The following DISC1 variants were observed in gnomAD, a reference collection of about 807,000 sequenced individuals.
The protein encoded by DISC1 is disrupted in schizophrenia 1 protein.
In DISC1, 57 loss-of-function variants were observed where a neutral mutation model predicts 84.5. The ratio of observed to expected loss-of-function variants is 0.67; its 90% confidence interval spans 0.55 to 0.84. The LOEUF (loss-of-function observed/expected upper bound fraction) is 0.84, where lower values mean the gene tolerates loss of function less well. DISC1 is among the 40% of genes least tolerant of loss of function. The probability of loss-of-function intolerance (pLI) is 0.00; values close to 1 mark genes in which losing one functional copy is unlikely to be tolerated. For missense variants in DISC1, 1,000 were observed against 1,057.8 expected (o/e 0.95, Z 0.76); for synonymous variants, 411 against 415.2 (o/e 0.99, Z 0.12).
At chr1:232,027,200 T>C (rs1669560151) in intron 12 of DISC1, among the ~76,000 whole-genome samples, 1 of 152,246 alleles carries the variant, frequency 6.6e-6, no homozygotes, top group South Asian at 2.1e-4. Context: ...TGGCTCGTTT[T>C]CCTACGAGCT....
At chr1:231,769,514 G>A (rs1051135948) in intron 5 of DISC1, among the ~76,000 whole-genome samples, 5 of 152,188 alleles carry the variant, frequency 3.3e-5, no homozygotes, top group Admixed American at 3.3e-4. Flanking sequence ...GGTTGCAAAA[G>A]GATAAATGCT....
chr1:231,899,269 A>G (rs1162234488), intron 9 of DISC1, among the ~76,000 whole-genome samples: 2 of 152,176 alleles, frequency 1.3e-5, no homozygotes, highest in East Asian at 1.9e-4. Flanking sequence ...TTGGAAACAC[A>G]GGCTGCTGGG....
In DISC1 at chr1:231,695,625, G is replaced by T. The variant is rs571042662; in HGVS notation, c.1047+820G>T. Among the ~76,000 whole-genome samples, 35 of 136,000 alleles carry T rather than the reference G, an allele frequency of 2.6e-4. No individual in the cohort carries two copies. The East Asian group carries it at 2.9e-3, about 11-fold the overall frequency. 89.2% of individuals were successfully genotyped at this position (136,000 alleles called of 152,430 possible). Reference sequence around the variant, plus strand: ...TGTGCATGTAGGTGTGCCTGTGTGTGCGTGTGTGTGTGTGCATGTTTGTGC... The same window carrying T: ...TGTGCATGTAGGTGTGCCTGTGTGTTCGTGTGTGTGTGTGCATGTTTGTGC... On this transcript the variant is annotated intron_variant, in intron 2 of 12. Coordinates refer to ENST00000439617, the MANE Select transcript of DISC1 (RefSeq NM_018662.3).
intron 1 of DISC1, among the ~76,000 whole-genome samples, chr1:231,635,313 C>G (rs1167285397): frequency 6.6e-6 from 1 of 151,982 alleles, no homozygotes; most frequent in Non-Finnish European, 1.5e-5. Flanking sequence ...AACGGACACT[C>G]TGGCCTTTTT....
intron 9 of DISC1, among the ~76,000 whole-genome samples, chr1:231,868,735 T>TATATATATATATATATATA (rs2085244887): frequency 2.5e-4 from 30 of 120,636 alleles, no homozygotes; most frequent in Non-Finnish European, 3.6e-4. Flanking sequence ...TATATATATA[T>TATATATATATATATATATA]TTAGCTGGGC....
Position 232,009,338 on chromosome 1 carries a change from T to G in DISC1, c.2307+289T>G. 9.1e-7 allele frequency: 1 copy of G among 1,096,956 alleles called. No individual in the cohort carries two copies. The highest frequency in any genetic ancestry group is 1.6e-5 in the African/African-American group (1 of 61,650). The allele number at this position is 1,096,956 out of a possible 1,614,324, so 68.0% of individuals were successfully genotyped here. A position where few individuals can be genotyped will look rare whatever the true frequency, so the allele number is the denominator to read the frequency against. ...CAGTCTAATATAGAATTACCATATA[T>G]AGCATACATTATATATGTCATATAT... On this transcript the variant is annotated intron_variant, in intron 11 of 12. Coordinates refer to ENST00000439617, the MANE Select transcript of DISC1 (RefSeq NM_018662.3). This position sits in a 1 kb window ranked among gnomAD's most constrained non-coding sequence, Gnocchi z 4.6.
chr1:231,744,275 C>T (rs2125286383), intron 3 of DISC1, among the ~76,000 whole-genome samples: 1 of 152,236 alleles, frequency 6.6e-6, no homozygotes, highest in South Asian at 2.1e-4. Context: ...GCCTTGGGCC[C>T]ACCCACTGCC....
At chr1:231,842,985 G>T (rs1440619839) in intron 9 of DISC1, among the ~76,000 whole-genome samples, 3 of 152,134 alleles carry the variant, frequency 2.0e-5, no homozygotes, top group Non-Finnish European at 4.4e-5. Context: ...GCCGGGCTGT[G>T]TCTGCAGCTG....
In DISC1 at chr1:232,008,859, A is replaced by G; in HGVS notation, c.2117A>G (p.Gln706Arg). ...EACRLLIQSL[Q>R]LQEARGSLSV... ...TGTCGATTGCTTATCCAGAGCCTAC[A>G]GCTCCAGGAAGCCAGGGGAAGCCTG... is the stretch of plus-strand genomic sequence containing the variant. The change falls in exon 11 of 13, where the codon CAG (glutamine) becomes CGG (arginine). Residue 706 changes from glutamine to arginine, a missense_variant. Transcript: ENST00000439617. 1 of 1,613,370 alleles carries G rather than the reference A, an allele frequency of 6.2e-7. No homozygotes were observed. Among genetic ancestry groups the G allele is most frequent in the Non-Finnish European group, 8.5e-7 (1 of 1,179,602 alleles).
intron 9 of DISC1, among the ~76,000 whole-genome samples, chr1:231,888,738 CAAAAAAAAAAAAA>C (rs34003319): frequency 1.9e-5 from 1 of 54,042 alleles, no homozygotes; most frequent in Non-Finnish European, 3.4e-5. Context: ...GCTCTGTCTC[CAAAAAAAAAAAAA>C]AAAAAAAAAA....
intron 4 of DISC1, 36 bp from the exon 5 acceptor site, chr1:231,767,104 T>C (rs75527620): frequency 0.014 from 22,347 of 1,609,528 alleles, 188 homozygotes; most frequent in Middle Eastern, 0.025. Flanking sequence ...TTTCAGCTTC[T>C]GCATACCTGT....
At chr1:231,896,245 A>C (rs994035970) in intron 9 of DISC1, among the ~76,000 whole-genome samples, 1 of 152,130 alleles carries the variant, frequency 6.6e-6, no homozygotes, top group East Asian at 1.9e-4. Flanking sequence ...GGATGCAGTA[A>C]CCTGACATAC....
chr1:231,913,929 T>A (rs1173396108), intron 9 of DISC1, among the ~76,000 whole-genome samples: 1 of 152,214 alleles, frequency 6.6e-6, no homozygotes, highest in African/African-American at 2.4e-5. Flanking sequence ...TGTTTCCGTG[T>A]GAGAGATCCT....
At chr1:232,019,002 T>G (rs1668719486) in intron 11 of DISC1, among the ~76,000 whole-genome samples, 1 of 152,228 alleles carries the variant, frequency 6.6e-6, no homozygotes, top group African/African-American at 2.4e-5. Flanking sequence ...ACAGCATAGC[T>G]TCTTCCAAGT....
rs1463441238 is a variant in DISC1 at position 232,031,998 on chromosome 1, G to A, written c.2426-4694G>A. On this transcript the variant is annotated intron_variant, in intron 12 of 12. Coordinates refer to ENST00000439617, the MANE Select transcript of DISC1 (RefSeq NM_018662.3). The surrounding 1 kb of genome is among the most constrained non-coding windows in gnomAD (Gnocchi z 4.6). ...GAGAGTCCCTTATCTGAAATGCTTGGGACTAGAAGTGTTTTGAAGTTCTGC... is the reference window on the plus strand; with the variant it reads ...GAGAGTCCCTTATCTGAAATGCTTGAGACTAGAAGTGTTTTGAAGTTCTGC... Among the ~76,000 whole-genome samples the A allele has an allele frequency of 6.6e-6, 1 of 152,092 alleles. No homozygotes were observed. The highest frequency in any genetic ancestry group is 1.5e-5 in the Non-Finnish European group (1 of 68,006).
At position 231,818,771 on chromosome 1, in the gene DISC1, A is replaced by G. The variant is rs145427524; in HGVS notation, c.1981+254A>G. ...CCTGTCTCAACCTGTGTTTGCTAAT[A>G]GCCTTGTTATTATTTAGAGCAGTCT... On this transcript the variant is annotated intron_variant, in intron 9 of 12. Transcript: ENST00000439617. 7.5e-3 allele frequency: 10,010 copies of G among 1,335,024 alleles called. 45 individuals carry two copies. The highest frequency in any genetic ancestry group is 8.1e-3 in the Non-Finnish European group (8,443 of 1,041,108). The allele number at this position is 1,335,024 out of a possible 1,614,324, so 82.7% of individuals were successfully genotyped here. A position where few individuals can be genotyped will look rare whatever the true frequency, so the allele number is the denominator to read the frequency against.
At chr1:231,983,936 CAATGA>C (rs1373629109) in intron 10 of DISC1, among the ~76,000 whole-genome samples, 1 of 152,116 alleles carries the variant, frequency 6.6e-6, no homozygotes, top group Non-Finnish European at 1.5e-5. Flanking sequence ...CTTCCAATTC[CAATGA>C]AATAGATAAT....
chr1:231,834,055 A>G (rs1005436880), intron 9 of DISC1, among the ~76,000 whole-genome samples: 9 of 152,188 alleles, frequency 5.9e-5, no homozygotes, highest in Non-Finnish European at 1.3e-4. Flanking sequence ...AGTTGCTGAA[A>G]AAGAGCCTAA....
intron 9 of DISC1, among the ~76,000 whole-genome samples, chr1:231,824,700 T>C (rs80330886): frequency 0.026 from 4,025 of 152,114 alleles, 167 homozygotes; most frequent in African/African-American, 0.09. Flanking sequence ...ATGTAGGGGG[T>C]GTCAGTTTAA....
Sources: allele counts gnomAD v4.1 joint callset (sites outside exome capture counted in the v4.1 genomes callset), GRCh38; gene constraint gnomAD v4.1.1; non-coding constraint Gnocchi (gnomAD v3.1); transcripts MANE v1.5; gene names NCBI Gene and HGNC (gene_info 2026-07-23, HGNC 2026-07-21).